SLC26A3: variants seen among roughly 807,000 people sequenced by gnomAD.
SLC26A3 encodes the protein solute carrier family 26 member 3, also known as chloride anion exchanger.
Under a neutral mutation model 85.6 loss-of-function variants are expected in SLC26A3, and 64 were observed. The observed-to-expected ratio is 0.75, with a 90% CI of 0.61 to 0.92. The LOEUF is 0.92. Among genes scored for constraint, SLC26A3 ranks in the 40% least tolerant of loss-of-function variants. The pLI, the probability that SLC26A3 is intolerant of heterozygous loss-of-function variation, is 0.00. For synonymous variants in SLC26A3, 349 were observed against 336.0 expected, an observed-to-expected ratio of 1.04 and a Z score of -0.42; for missense variants, 922 against 927.3, an observed-to-expected ratio of 0.99 and a Z score of 0.07.
Position 107,772,095 on chromosome 7 carries a change from A to T in SLC26A3, c.2021T>A (p.Phe674Tyr), listed in dbSNP as rs368047696. 17 of 1,608,834 alleles carry T rather than the reference A, an allele frequency of 1.1e-5. No homozygotes were observed. The African/African-American group carries it at 2.3e-4, about 22-fold the overall frequency. The change falls in exon 18 of 21, where the codon TTT (phenylalanine) becomes TAT (tyrosine). Residue 674 changes from phenylalanine (F) to tyrosine (Y), a missense_variant. By Grantham distance (22) the Phe-to-Tyr change is conservative. Coordinates refer to ENST00000340010, the MANE Select transcript of SLC26A3 (RefSeq NM_000111.3). ...ATACACATCTACCTTGATCCTGATA[A>T]ATTCTTGCAAAATCTGTTAAAAAGA... ...VRGLKSILQE[F>Y]IRIKVDVYIV...
At chr7:107,798,622 CA>C (rs1794551247) in intron 1 of SLC26A3, among the ~76,000 whole-genome samples, 2 of 152,102 alleles carry the variant, frequency 1.3e-5, no homozygotes, top group Admixed American at 6.5e-5. Flanking sequence ...AGCAGACAAG[CA>C]AGGGTGCAGA....
At chr7:107,776,737 T>G in intron 13 of SLC26A3, 31 bp from the exon 14 acceptor site, 4 of 1,598,374 alleles carry the variant, frequency 2.5e-6, no homozygotes, top group Non-Finnish European at 3.4e-6. Flanking sequence ...AGTAAATCAT[T>G]CATGTATGTT....
intron 18 of SLC26A3, 129 bp from the exon 19 acceptor site, chr7:107,768,037 G>A: frequency 1.3e-6 from 1 of 786,248 alleles, no homozygotes; most frequent in East Asian, 2.7e-5. Context: ...AGTGTGTGTG[G>A]GTTGCAGTGG....
rs1397230768 is a variant in SLC26A3 at position 107,787,509 on chromosome 7, C to T, written c.736G>A (p.Val246Ile). ...ATTTGTGAGAATACAGAGTATAGTA[C>T]CTACAATTATAAAAACAAAAACCAC... ...SHTDPVSIFK[V>I]LYSVFSQIEK... is the part of the protein sequence containing the mutation. The change falls in exon 7 of 21, where the codon GTA becomes ATA. Residue 246 changes from valine to isoleucine, a missense_variant and splice_region_variant. Transcript: ENST00000340010. 2 of 1,612,372 alleles carry T rather than the reference C, an allele frequency of 1.2e-6. No individual in the cohort carries two copies. The highest frequency in any genetic ancestry group is 1.3e-5 in the African/African-American group (1 of 74,960).
chr7:107,796,672 C>T (rs1172150580), intron 1 of SLC26A3, among the ~76,000 whole-genome samples: 1 of 152,100 alleles, frequency 6.6e-6, no homozygotes, highest in Non-Finnish European at 1.5e-5. Flanking sequence ...TAATTAAGAT[C>T]TAATCCATGG....
chr7:107,776,789 C>G, intron 13 of SLC26A3, 83 bp from the exon 14 acceptor site: 1 of 1,150,032 alleles, frequency 8.7e-7, no homozygotes, highest in Non-Finnish European at 1.3e-6. Context: ...TCCAGCATAC[C>G]AAAGCAGGCT....
chr7:107,794,571 T>C lies in SLC26A3; in HGVS notation c.-62A>G. ...TTTGCAACTATGTGGTGAACACTTC[T>C]TCTTGCCTTTAGCAGGTTAAAAATG... On this transcript the variant is annotated 5_prime_UTR_variant, in exon 2 of 21. Transcript: ENST00000340010. 6.3e-7 allele frequency: 1 copy of C among 1,597,812 alleles called. No individual in the cohort carries two copies. The highest frequency in any genetic ancestry group is 8.6e-7 in the Non-Finnish European group (1 of 1,165,548).
chr7:107,770,005 T>TCTTTCTTTCTTTCTTTCTTC (rs1793980942), intron 18 of SLC26A3, among the ~76,000 whole-genome samples: 1 of 31,790 alleles, frequency 3.1e-5, no homozygotes, highest in Admixed American at 2.6e-4. Context: ...TTTTTCTCTT[T>TCTTTCTTTCTTTCTTTCTTC]CTTTCTTTCT....
Position 107,787,451 on chromosome 7 carries a change from G to T in SLC26A3, c.794C>A (p.Ala265Asp). 2 of 1,612,880 alleles carry T rather than the reference G, an allele frequency of 1.2e-6. No individual in the cohort carries two copies. The highest frequency in any genetic ancestry group is 1.7e-6 in the Non-Finnish European group (2 of 1,178,896). ...GGATACAACCAAAAGGACAATCAGA[G>T]CTGTCACCAGGTCTGCAATATTAGT... is the stretch of plus-strand genomic sequence containing the variant. ...EKTNIADLVT[A>D]LIVLLVVSIV... Residue 265 changes from alanine to aspartate, a missense_variant, in exon 7 of 21, where the codon GCT becomes GAT. Transcript: ENST00000340010.
rs763857842 is a variant in SLC26A3, at chr7:107,765,542, G to A, written c.*313C>T. ...AAATTATGAGATTCAAAACAGTGGC[G>A]CCACTATACTGCTAAACCTATGCAT... On this transcript the variant is annotated 3_prime_UTR_variant, in exon 21 of 21. Coordinates refer to ENST00000340010, the MANE Select transcript of SLC26A3 (RefSeq NM_000111.3). The A allele has an allele frequency of 1.2e-4, 33 of 265,868 alleles. No homozygotes were observed. The highest frequency in any genetic ancestry group is 2.2e-4 in the South Asian group (3 of 13,804). 16.5% of individuals were successfully genotyped at this position (265,868 alleles called of 1,614,324 possible). A position where few individuals can be genotyped will look rare whatever the true frequency, so the allele number is the denominator to read the frequency against.
rs149142798 is a variant in SLC26A3 at position 107,781,566 on chromosome 7, T to C, written c.1311+1231A>G. On this transcript the variant is annotated intron_variant, in intron 11 of 20. Transcript: ENST00000340010. ...GTAGGGGTGAGTGTGTGTGCGTTTA[T>C]TTTTATTGAGATAACATTCTTCTAT... Among the ~76,000 whole-genome samples, 333 of 152,330 alleles carry C rather than the reference T, an allele frequency of 2.2e-3. 2 individuals are homozygous for C. The highest frequency in any genetic ancestry group is 7.6e-3 in the African/African-American group (316 of 41,574).
intron 13 of SLC26A3, among the ~76,000 whole-genome samples, chr7:107,777,170 G>A (rs1354185779): frequency 1.3e-5 from 2 of 152,104 alleles, no homozygotes; most frequent in African/African-American, 4.8e-5. Context: ...CATCAGTCAG[G>A]GATTGACTTT....
intron 18 of SLC26A3, among the ~76,000 whole-genome samples, chr7:107,770,896 TGAA>T (rs1373774490): frequency 6.6e-6 from 1 of 152,216 alleles, no homozygotes; most frequent in African/African-American, 2.4e-5. Context: ...ACAAACAGTC[TGAA>T]GACCCGGTGC....
At chr7:107,785,835 G>A (rs1330013277) in intron 8 of SLC26A3, among the ~76,000 whole-genome samples, 1 of 152,038 alleles carries the variant, frequency 6.6e-6, no homozygotes, top group Non-Finnish European at 1.5e-5. Flanking sequence ...ACATATAAAT[G>A]CTGATTTCTC....
chr7:107,782,794 T>C lies in SLC26A3; in HGVS notation c.1311+3A>G, dbSNP rs1312796298. 1.2e-6 allele frequency: 2 copies of C among 1,613,612 alleles called. No homozygotes were observed. Among genetic ancestry groups the C allele is most frequent in the Non-Finnish European group, 8.5e-7 (1 of 1,179,618 alleles). ...TAGAGATGCTATCCAAAGACAGTGT[T>C]ACCTTTTGTAGAGGCGCCAGGAGAA... On this transcript the variant is annotated splice_donor_region_variant and intron_variant, in intron 11 of 20. Transcript: ENST00000340010.
At chr7:107,773,806 C>A (rs190687618) in intron 17 of SLC26A3, 114 bp downstream of exon 17, 13 of 892,004 alleles carry the variant, frequency 1.5e-5, no homozygotes, top group Middle Eastern at 2.2e-4. Context: ...CCACCTCGGC[C>A]TCCCAAAGTG....
intron 8 of SLC26A3, among the ~76,000 whole-genome samples, chr7:107,784,485 C>T (rs1794260463): frequency 6.6e-6 from 1 of 152,034 alleles, no homozygotes; most frequent in South Asian, 2.1e-4. Flanking sequence ...CTCCTCTTTC[C>T]CAGGCTGGAG....
At chr7:107,782,179 A>T (rs908189129) in intron 11 of SLC26A3, among the ~76,000 whole-genome samples, 1 of 152,184 alleles carries the variant, frequency 6.6e-6, no homozygotes, top group African/African-American at 2.4e-5. Context: ...ATTTACTGTC[A>T]TCTTGTTTCC....
At chr7:107,796,697 C>T (rs933010207) in intron 1 of SLC26A3, among the ~76,000 whole-genome samples, 1 of 150,866 alleles carries the variant, frequency 6.6e-6, no homozygotes, top group African/African-American at 2.5e-5. Flanking sequence ...TCACTTCTGA[C>T]ATCTTGGATT....
Sources: allele counts gnomAD v4.1 joint callset (sites outside exome capture counted in the v4.1 genomes callset), GRCh38; gene constraint gnomAD v4.1.1; transcripts MANE v1.5; gene names NCBI Gene and HGNC (gene_info 2026-07-23, HGNC 2026-07-21).